The following TENM3 variants were observed in gnomAD, a reference collection of about 807,000 sequenced individuals.
TENM3 encodes the protein teneurin transmembrane protein 3, also known as teneurin-3.
Under a neutral mutation model 255.1 loss-of-function variants are expected in TENM3, and 63 were observed. The ratio of observed to expected loss-of-function variants is 0.25; its 90% CI spans 0.20 to 0.30. The LOEUF is 0.30. TENM3 is among the 10% of genes least tolerant of loss of function. The pLI, the probability that TENM3 is intolerant of heterozygous loss-of-function variation, is 1.00. For synonymous variants in TENM3, 1,306 were observed against 1,322.3 expected (o/e 0.99, Z 0.27); for missense variants, 2,929 against 3,461.1 (o/e 0.85, Z 3.86).
the TENM3 span, among the ~76,000 whole-genome samples, chr4:182,006,745 T>C: frequency 2.0e-5 from 3 of 152,160 alleles, no homozygotes; most frequent in African/African-American, 4.8e-5. Flanking sequence ...TCTTCTTTGA[T>C]CTTAGTTATC....
the TENM3 span, among the ~76,000 whole-genome samples, chr4:181,871,188 A>G: frequency 2.1e-5 from 3 of 143,684 alleles, no homozygotes; most frequent in Non-Finnish European, 3.2e-5. Flanking sequence ...TAAGTCCCCC[A>G]ATTTTATTCT....
At chr4:182,362,872 C>T (rs910975373) in intron 3 of TENM3, among the ~76,000 whole-genome samples, 1 of 152,176 alleles carries the variant, frequency 6.6e-6, no homozygotes, top group African/African-American at 2.4e-5. Flanking sequence ...TTGGCTCCTC[C>T]CTGAAAAACT....
intron 1 of TENM3, among the ~76,000 whole-genome samples, chr4:182,204,111 G>A (rs1004929653): frequency 5.3e-5 from 8 of 152,148 alleles, no homozygotes; most frequent in Non-Finnish European, 1.0e-4. Context: ...GGCTGCGGGG[G>A]ACAAAAGAAA....
chr4:182,672,837 T>A (rs1288062975), intron 6 of TENM3, among the ~76,000 whole-genome samples, 168 bp from the exon 7 acceptor site: 2 of 152,344 alleles, frequency 1.3e-5, no homozygotes, highest in East Asian at 3.9e-4. Context: ...AACACCAGTA[T>A]CTAATAGTAG....
At chr4:181,572,551 A>G in the TENM3 span, among the ~76,000 whole-genome samples, 5 of 152,086 alleles carry the variant, frequency 3.3e-5, no homozygotes, top group Non-Finnish European at 7.4e-5. Flanking sequence ...ACAGTTTCAC[A>G]CTTTTTTTTG....
intron 3 of TENM3, among the ~76,000 whole-genome samples, chr4:182,572,047 G>T (rs989545553): frequency 1.3e-5 from 2 of 152,060 alleles, no homozygotes; most frequent in African/African-American, 4.8e-5. Context: ...GACTACAGGC[G>T]CCTGCCACCA....
chr4:181,760,035 T>C, the TENM3 span, among the ~76,000 whole-genome samples: 1 of 152,102 alleles, frequency 6.6e-6, no homozygotes, highest in African/African-American at 2.4e-5. Flanking sequence ...CTACAGAGAA[T>C]ATATGCACTT....
the TENM3 span, among the ~76,000 whole-genome samples, chr4:181,731,057 T>C: frequency 2.6e-5 from 4 of 152,226 alleles, no homozygotes. Flanking sequence ...ATCTAAATCA[T>C]GTCTGTGCAA....
chr4:181,734,249 C>CTA, the TENM3 span, among the ~76,000 whole-genome samples: 2,328 of 151,418 alleles, frequency 0.015, 52 homozygotes, highest in African/African-American at 0.051. Flanking sequence ...TAGGTAACAC[C>CTA]TATATATATA....
chr4:182,531,216 T>A (rs1326349736), intron 3 of TENM3, among the ~76,000 whole-genome samples: 4 of 152,178 alleles, frequency 2.6e-5, no homozygotes. Context: ...AGACATTCAA[T>A]AAGAAATGCT....
At chr4:182,682,948 C>T (rs1756288207) in intron 11 of TENM3, among the ~76,000 whole-genome samples, 1 of 152,116 alleles carries the variant, frequency 6.6e-6, no homozygotes, top group African/African-American at 2.4e-5. Flanking sequence ...ATGCTAAATT[C>T]AGTGGACATT....
At chr4:181,754,331 C>T in the TENM3 span, among the ~76,000 whole-genome samples, 1 of 148,708 alleles carries the variant, frequency 6.7e-6, no homozygotes, top group Non-Finnish European at 1.5e-5. Flanking sequence ...CAGACAATCA[C>T]ATAATCCTTG....
At chr4:182,638,283 A>G (rs1296993352) in intron 5 of TENM3, among the ~76,000 whole-genome samples, 2 of 152,230 alleles carry the variant, frequency 1.3e-5, no homozygotes, top group East Asian at 1.9e-4. Flanking sequence ...AAAGGAAAAG[A>G]TATCTCTGAC....
the TENM3 span, among the ~76,000 whole-genome samples, chr4:181,993,307 A>T: frequency 1.3e-5 from 2 of 152,112 alleles, no homozygotes; most frequent in African/African-American, 4.8e-5. Context: ...TTCACTCATT[A>T]TGTTCCTATT....
the TENM3 span, among the ~76,000 whole-genome samples, chr4:181,828,580 C>A: frequency 1.3e-5 from 2 of 151,922 alleles, no homozygotes; most frequent in African/African-American, 2.4e-5. Flanking sequence ...TTCTTTTTTT[C>A]TTCTTTTTTT....
the TENM3 span, among the ~76,000 whole-genome samples, chr4:181,533,247 G>C: frequency 6.6e-6 from 1 of 152,102 alleles, no homozygotes; most frequent in Non-Finnish European, 1.5e-5. Context: ...CAAAAAGAAG[G>C]GGCATTGCAA....
intron 11 of TENM3, among the ~76,000 whole-genome samples, chr4:182,686,386 A>G (rs1397998560): frequency 1.3e-5 from 2 of 152,100 alleles, no homozygotes; most frequent in African/African-American, 2.4e-5. Flanking sequence ...TCTCATTTAA[A>G]GCTTATAAAA....
intron 22 of TENM3, among the ~76,000 whole-genome samples, chr4:182,770,934 C>T (rs1413854437): frequency 1.3e-5 from 2 of 152,182 alleles, no homozygotes. Context: ...TTAGAAGGCA[C>T]AAATTCAGAA....
the TENM3 span, among the ~76,000 whole-genome samples, chr4:181,670,116 A>G: frequency 0.013 from 2,053 of 152,316 alleles, 45 homozygotes; most frequent in African/African-American, 0.046. Flanking sequence ...TGACTTCTAG[A>G]AATTGATCTG....
Sources: gnomAD v4.1 joint callset for allele counts (sites outside exome capture counted in the v4.1 genomes callset) on GRCh38, gnomAD v4.1.1 for gene constraint, MANE v1.5 for transcripts, NCBI Gene and HGNC (gene_info 2026-07-23, HGNC 2026-07-21) for gene names.